The following CERKL variants were observed in gnomAD, a reference collection of about 807,000 sequenced individuals.
CERKL encodes the protein CERK like autophagy regulator.
Under a neutral mutation model 63.4 loss-of-function variants are expected in CERKL, and 61 were observed. The observed-to-expected ratio is 0.96, with a 90% CI of 0.78 to 1.19. The LOEUF (loss-of-function observed/expected upper bound fraction) is 1.19, where lower values mean the gene tolerates loss of function less well. CERKL is among the 50% of genes most tolerant of loss of function. The pLI, the probability that CERKL is intolerant of heterozygous loss-of-function variation, is 0.00. For synonymous variants in CERKL, 250 were observed against 230.5 expected (o/e 1.08, Z -0.77); for missense variants, 675 against 655.5 (o/e 1.03, Z -0.33).
At chr2:181,565,565 TTTC>T (rs1342024629) in intron 4 of CERKL, 19 of 1,165,320 alleles carry the variant, frequency 1.6e-5, no homozygotes, top group Admixed American at 3.4e-5. Context: ...ATTAAAATTA[TTTC>T]TTATTGTTTC....
intron 2 of CERKL, chr2:181,603,602 T>C (rs1290721705): frequency 3.9e-6 from 2 of 508,402 alleles, no homozygotes; most frequent in Non-Finnish European, 7.2e-6. Context: ...GTTAAACATA[T>C]GAAAATCAAT....
intron 2 of CERKL, among the ~76,000 whole-genome samples, chr2:181,591,617 T>C (rs2105876600): frequency 6.6e-6 from 1 of 152,324 alleles, no homozygotes; most frequent in South Asian, 2.1e-4. Flanking sequence ...GTAGTTTTTA[T>C]ACATCATACG....
chr2:181,603,806 C>A, intron 2 of CERKL, 31 bp downstream of exon 2: 1 of 1,609,262 alleles, frequency 6.2e-7, no homozygotes, highest in Non-Finnish European at 8.5e-7. Flanking sequence ...GGAAACTGGG[C>A]TGATTAAAAT....
intron 1 of CERKL, among the ~76,000 whole-genome samples, chr2:181,627,625 A>C (rs1280058933): frequency 1.3e-5 from 2 of 152,200 alleles, no homozygotes; most frequent in Non-Finnish European, 2.9e-5. Flanking sequence ...GAAAACTAAT[A>C]ATCATGTAGT....
chr2:181,567,827 A>G (rs1688728455), intron 3 of CERKL, among the ~76,000 whole-genome samples: 1 of 152,212 alleles, frequency 6.6e-6, no homozygotes, highest in African/African-American at 2.4e-5. Context: ...TATAGTAGAA[A>G]GGACCAAATA....
intron 2 of CERKL, among the ~76,000 whole-genome samples, chr2:181,578,331 G>C (rs1024449442): frequency 6.6e-6 from 1 of 152,030 alleles, no homozygotes; most frequent in Admixed American, 6.6e-5. Context: ...ATGGTGTCTT[G>C]CTCTGTCACC....
intron 1 of CERKL, among the ~76,000 whole-genome samples, chr2:181,639,311 T>C (rs901236980): frequency 1.3e-5 from 2 of 152,122 alleles, no homozygotes; most frequent in African/African-American, 2.4e-5. Flanking sequence ...TGGCCATAAA[T>C]TGAAAACTGT....
At chr2:181,602,640 A>G (rs535778667) in intron 2 of CERKL, among the ~76,000 whole-genome samples, 14 of 152,340 alleles carry the variant, frequency 9.2e-5, no homozygotes, top group African/African-American at 2.9e-4. Context: ...CTCATCTCGC[A>G]TGAGCATAGC....
At chr2:181,569,577 G>A (rs550544382) in intron 3 of CERKL, among the ~76,000 whole-genome samples, 1 of 152,236 alleles carries the variant, frequency 6.6e-6, no homozygotes, top group Non-Finnish European at 1.5e-5. Flanking sequence ...CTGCCCAGGA[G>A]GTAAAATTAT....
chr2:181,543,226 T>C (rs1687584280), intron 11 of CERKL, among the ~76,000 whole-genome samples: 1 of 152,208 alleles, frequency 6.6e-6, no homozygotes, highest in Non-Finnish European at 1.5e-5. Flanking sequence ...TTTTCTGACT[T>C]AAAAACAGCA....
chr2:181,634,948 C>T (rs574170435), intron 1 of CERKL, among the ~76,000 whole-genome samples: 221 of 152,218 alleles, frequency 1.5e-3, no homozygotes, highest in African/African-American at 4.9e-3. Context: ...GGACAATGTA[C>T]ACAATGAATG....
chr2:181,606,595 A>G (rs1239419193), intron 1 of CERKL, among the ~76,000 whole-genome samples: 1 of 143,656 alleles, frequency 7.0e-6, no homozygotes, highest in Non-Finnish European at 1.5e-5. Flanking sequence ...GGAAGAGGGA[A>G]CGGAAAGGCC....
rs181308701 is a variant in CERKL at position 181,547,530 on chromosome 2, T to C, written c.1268+88A>G. On this transcript the variant is annotated intron_variant, in intron 10 of 12. Transcript: ENST00000410087. ...ACAAAGATAAACTACCTGTTAAGTT[T>C]CTAGCTAACCAACAGTTAATTGGAT... 125 of 1,000,012 alleles carry C rather than the reference T, an allele frequency of 1.2e-4. No homozygotes were observed. In the Admixed American group the frequency reaches 2.3e-3, roughly 18 times the overall value. The allele number at this position is 1,000,012 out of a possible 1,614,324, so 61.9% of individuals were successfully genotyped here.
intron 1 of CERKL, among the ~76,000 whole-genome samples, chr2:181,632,777 G>C (rs963411949): frequency 1.3e-5 from 2 of 152,176 alleles, no homozygotes; most frequent in Non-Finnish European, 2.9e-5. Flanking sequence ...GCCTTGGATA[G>C]GGTAGTGGGG....
In CERKL at chr2:181,548,819, C is replaced by T. The variant is rs190967171; in HGVS notation, c.934G>A (p.Ala312Thr). Reference sequence around the variant, plus strand: ...AACCCAAAGCGAAGAAGCTTGCCAGCGGTGCTGAAGGTGCAGACGTCGACC... The same window carrying T: ...AACCCAAAGCGAAGAAGCTTGCCAGTGGTGCTGAAGGTGCAGACGTCGACC... ...QLVDVCTFST[A>T]GKLLRFGFSA... The change falls in exon 7 of 13, where the codon GCT becomes ACT. Residue 312 changes from alanine (A) to threonine (T), a missense_variant. By Grantham distance (58) the Ala-to-Thr change is moderately conservative (BLOSUM62 0). Transcript: ENST00000410087. 8 of 1,614,026 alleles carry T rather than the reference C, an allele frequency of 5.0e-6. No individual in the cohort carries two copies. The South Asian group carries it at 5.5e-5, about 11-fold the overall frequency.
At chr2:181,570,402 A>T (rs1003177782) in intron 3 of CERKL, among the ~76,000 whole-genome samples, 1 of 152,180 alleles carries the variant, frequency 6.6e-6, no homozygotes, top group African/African-American at 2.4e-5. Flanking sequence ...TGGATCTCTG[A>T]TCCTCAAAAT....
chr2:181,564,947 G>T (rs1688598222), intron 4 of CERKL, among the ~76,000 whole-genome samples: 1 of 152,032 alleles, frequency 6.6e-6, no homozygotes, highest in Non-Finnish European at 1.5e-5. Context: ...CCATATTTTT[G>T]ATTCCCAATG....
At chr2:181,583,258 A>C (rs1684614465) in intron 2 of CERKL, among the ~76,000 whole-genome samples, 1 of 152,182 alleles carries the variant, frequency 6.6e-6, no homozygotes, top group African/African-American at 2.4e-5. Flanking sequence ...TAAAACCATT[A>C]GGTGAAATAT....
At chr2:181,592,998 C>G (rs769468680) in intron 2 of CERKL, among the ~76,000 whole-genome samples, 39 of 152,166 alleles carry the variant, frequency 2.6e-4, no homozygotes, top group Non-Finnish European at 4.6e-4. Flanking sequence ...TATAGAAGCT[C>G]AATACATACC....
Sources: allele counts gnomAD v4.1 joint callset (sites outside exome capture counted in the v4.1 genomes callset), GRCh38; gene constraint gnomAD v4.1.1; transcripts MANE v1.5; gene names NCBI Gene and HGNC (gene_info 2026-07-23, HGNC 2026-07-21).